Variants in ATP2C2 observed in about 807,000 individuals in gnomAD.
ATP2C2 encodes calcium-transporting ATPase type 2C member 2.
In ATP2C2, 171 loss-of-function variants were observed where a neutral mutation model predicts 110.8. That is an observed-to-expected ratio of 1.54 (90% confidence interval 1.36 to 1.75). ATP2C2 has a LOEUF of 1.75. ATP2C2 is among the 40% of genes most tolerant of loss of function. ATP2C2 has a pLI of 0.00. For synonymous variants in ATP2C2, 804 were observed against 508.4 expected (o/e 1.58, Z -7.82); for missense variants, 1,963 against 1,235.0 (o/e 1.59, Z -8.84).
chr16:84,416,753 T>C (rs1414569937), intron 7 of ATP2C2, among the ~76,000 whole-genome samples: 1 of 152,128 alleles, frequency 6.6e-6, no homozygotes, highest in Non-Finnish European at 1.5e-5. Flanking sequence ...AGATCCTCTG[T>C]GGCCCCCGCC....
intron 1 of ATP2C2, among the ~76,000 whole-genome samples, chr16:84,395,462 C>CT (rs34793112): frequency 0.29 from 41,757 of 142,724 alleles, 6,821 homozygotes; most frequent in African/African-American, 0.44. Flanking sequence ...TGCCTTTGAT[C>CT]TTTTTTTTTT....
intron 11 of ATP2C2, among the ~76,000 whole-genome samples, chr16:84,435,067 GT>G (rs1908619386): frequency 6.6e-6 from 1 of 152,240 alleles, no homozygotes; most frequent in Non-Finnish European, 1.5e-5. Context: ...GTCCATGCCT[GT>G]TGTATTGTCC....
At chr16:84,442,061 T>C (rs539744741) in intron 14 of ATP2C2, among the ~76,000 whole-genome samples, 1 of 152,272 alleles carries the variant, frequency 6.6e-6, no homozygotes, top group South Asian at 2.1e-4. Flanking sequence ...CCCACTCTTT[T>C]TGCTTGTCTC....
intron 1 of ATP2C2, among the ~76,000 whole-genome samples, chr16:84,393,387 G>C (rs912726351): frequency 6.6e-6 from 1 of 152,040 alleles, no homozygotes; most frequent in African/African-American, 2.4e-5. Context: ...CCAACCCAGG[G>C]ACTCTGTTTC....
intron 20 of ATP2C2, among the ~76,000 whole-genome samples, chr16:84,454,562 C>T (rs1910610702): frequency 6.6e-6 from 1 of 152,208 alleles, no homozygotes; most frequent in African/African-American, 2.4e-5. Context: ...GGCACCGTCA[C>T]ATCCGTCATC....
rs568616164 is a variant in ATP2C2, at chr16:84,427,071, G to A, written c.986+1270G>A. ...AGCCTAGGGGCTGTGCCAGGACACG[G>A]AGGAACCAACCCATGTCTAGGCTCA... is the stretch of plus-strand genomic sequence containing the variant. On this transcript the variant is annotated intron_variant, in intron 11 of 26. Coordinates refer to ENST00000262429, the MANE Select transcript of ATP2C2 (RefSeq NM_014861.4). Among the ~76,000 whole-genome samples, 5 of 152,314 alleles carry A rather than the reference G, an allele frequency of 3.3e-5. No individual in the cohort carries two copies. In the East Asian group the frequency reaches 9.6e-4, roughly 29 times the overall value.
intron 21 of ATP2C2, among the ~76,000 whole-genome samples, chr16:84,458,881 C>CT (rs1910957442): frequency 1.3e-5 from 2 of 152,276 alleles, no homozygotes; most frequent in African/African-American, 4.8e-5. Flanking sequence ...TCAGGTGTAC[C>CT]CTTGGCACAG....
intron 1 of ATP2C2, among the ~76,000 whole-genome samples, chr16:84,373,497 C>G (rs888188030): frequency 1.3e-4 from 16 of 126,392 alleles, no homozygotes; most frequent in Middle Eastern, 4.4e-3. Context: ...GAGACTCCAT[C>G]TCAAAACAAC....
At chr16:84,439,011 G>C (rs1281494804) in intron 11 of ATP2C2, 155 bp from the exon 12 acceptor site, 3 of 1,131,568 alleles carry the variant, frequency 2.7e-6, no homozygotes, top group East Asian at 2.5e-5. Context: ...TGCAGAAGGA[G>C]GCAGGTGCAC....
intron 1 of ATP2C2, among the ~76,000 whole-genome samples, chr16:84,369,013 C>G (rs1049747651): frequency 1.3e-5 from 2 of 152,216 alleles, no homozygotes; most frequent in Non-Finnish European, 2.9e-5. Flanking sequence ...GGGAACTTAA[C>G]CTAGGTTTCT....
intron 11 of ATP2C2, among the ~76,000 whole-genome samples, chr16:84,430,532 T>C (rs969981737): frequency 1.3e-5 from 2 of 148,276 alleles, no homozygotes; most frequent in African/African-American, 5.0e-5. Flanking sequence ...TCCCAGCTAC[T>C]GGGGGGCAGA....
intron 7 of ATP2C2, among the ~76,000 whole-genome samples, chr16:84,421,314 G>A (rs1052356488): frequency 2.0e-5 from 3 of 152,250 alleles, no homozygotes; most frequent in African/African-American, 7.2e-5. Flanking sequence ...GGAAGGAAGT[G>A]GGGAGACGGG....
intron 15 of ATP2C2, 102 bp downstream of exon 15, chr16:84,442,701 T>C: frequency 1.8e-6 from 2 of 1,141,170 alleles, no homozygotes; most frequent in Non-Finnish European, 2.6e-6. Context: ...GTGGGGACGT[T>C]AGGTAATCAT....
At chr16:84,410,788 C>G (rs764139892) in intron 6 of ATP2C2, 23 bp downstream of exon 6, 4 of 1,609,780 alleles carry the variant, frequency 2.5e-6, no homozygotes, top group Non-Finnish European at 3.4e-6. Context: ...CTCCCTGGGA[C>G]TTTTTGGTTC....
At chr16:84,423,625 C>A (rs1597809080) in intron 10 of ATP2C2, among the ~76,000 whole-genome samples, 1 of 152,186 alleles carries the variant, frequency 6.6e-6, no homozygotes, top group African/African-American at 2.4e-5. Context: ...CCTCTGGGTC[C>A]TTGGAGGCCA....
At chr16:84,455,085 G>T (rs72806642) in intron 21 of ATP2C2, 101 bp downstream of exon 21, 2 of 1,428,006 alleles carry the variant, frequency 1.4e-6, no homozygotes, top group African/African-American at 1.4e-5. Context: ...GGGGTCTCGC[G>T]GAGTCCCCAG....
intron 1 of ATP2C2, among the ~76,000 whole-genome samples, chr16:84,382,229 T>C (rs973673421): frequency 6.6e-6 from 1 of 152,124 alleles, no homozygotes; most frequent in Non-Finnish European, 1.5e-5. Flanking sequence ...AGTGAGAACA[T>C]ACGGTGTTTG....
At chr16:84,415,351 A>T (rs575807449) in intron 6 of ATP2C2, 132 bp from the exon 7 acceptor site, 81 of 735,690 alleles carry the variant, frequency 1.1e-4, no homozygotes, top group South Asian at 1.1e-3. Context: ...AAATAATAAC[A>T]CCCCAAAGGC....
Position 84,453,324 on chromosome 16 carries a change from TC to T in ATP2C2, c.1935del (p.Val646CysfsTer26), listed in dbSNP as rs750344015. The T allele has an allele frequency of 1.2e-6, 2 of 1,614,014 alleles. No individual in the cohort carries two copies. The highest frequency in any genetic ancestry group is 1.7e-6 in the Non-Finnish European group (2 of 1,180,028). ...GELADRVGKV[S>X]VFFRTSPKHK... ...TCTTCCCCGTCTCCGTGTCCAGGTGTCCGTGTTCTTCAGGACCAGCCCAAAG... is the reference window on the plus strand; with the variant it reads ...TCTTCCCCGTCTCCGTGTCCAGGTGTCGTGTTCTTCAGGACCAGCCCAAAG... On this transcript the variant is annotated frameshift_variant, in exon 20 of 27. Coordinates refer to ENST00000262429, the MANE Select transcript of ATP2C2 (RefSeq NM_014861.4). LOFTEE classifies it high-confidence loss of function.
Sources: gnomAD v4.1 joint callset for allele counts (sites outside exome capture counted in the v4.1 genomes callset) on GRCh38, gnomAD v4.1.1 for gene constraint, MANE v1.5 for transcripts, NCBI Gene and HGNC (gene_info 2026-07-23, HGNC 2026-07-21) for gene names.